MYH7B: variants seen among roughly 807,000 people sequenced by gnomAD.
MYH7B encodes the protein myosin heavy chain 7B.
In MYH7B, 205 loss-of-function variants were observed where a neutral mutation model predicts 234.5. That is an observed-to-expected ratio of 0.87 (90% CI 0.78 to 0.98). The LOEUF (loss-of-function observed/expected upper bound fraction) is 0.98, where lower values mean the gene tolerates loss of function less well. MYH7B is among the 50% of genes least tolerant of loss of function. The pLI is 0.00. For missense variants in MYH7B, 2,652 were observed against 2,633.4 expected (o/e 1.01, Z -0.15); for synonymous variants, 1,193 against 1,105.0 (o/e 1.08, Z -1.58).
Position 34,978,112 on chromosome 20 carries a change from G to A in MYH7B, c.91+16G>A. On this transcript the variant is annotated intron_variant, in intron 5 of 44. Transcript: ENST00000262873. ...CCATGGGACGGTAAGTGGAGACAGA[G>A]GGGGAGGGGTCATAGCCACAGAGAT... is the stretch of plus-strand genomic sequence containing the variant. The A allele has an allele frequency of 1.9e-6, 3 of 1,613,788 alleles. No individual in the cohort carries two copies. The highest frequency in any genetic ancestry group is 2.5e-6 in the Non-Finnish European group (3 of 1,179,954).
At chr20:34,966,784 G>A (rs2081745662) in intron 2 of MYH7B, among the ~76,000 whole-genome samples, 1 of 152,132 alleles carries the variant, frequency 6.6e-6, no homozygotes, top group Non-Finnish European at 1.5e-5. Context: ...AATTTGGCTA[G>A]GCATGGTGAG....
intron 2 of MYH7B, among the ~76,000 whole-genome samples, chr20:34,960,883 A>T (rs757680570): frequency 3.3e-5 from 5 of 152,214 alleles, no homozygotes; most frequent in Non-Finnish European, 5.9e-5. Flanking sequence ...CCCCACAGTC[A>T]TCCTGGGAGG....
chr20:34,961,884 C>T (rs2081701238), intron 2 of MYH7B, among the ~76,000 whole-genome samples: 5 of 152,166 alleles, frequency 3.3e-5, no homozygotes, highest in Admixed American at 3.3e-4. Flanking sequence ...CACTCTGTTC[C>T]TCCACTCATC....
intron 14 of MYH7B, among the ~76,000 whole-genome samples, chr20:34,986,655 A>C (rs8118978): frequency 0.14 from 20,868 of 152,180 alleles, 1,779 homozygotes; most frequent in African/African-American, 0.24. Context: ...CCAGAAAAAG[A>C]AGCCAGGGTC....
At chr20:34,962,666 C>T (rs1303277548) in intron 2 of MYH7B, among the ~76,000 whole-genome samples, 2 of 152,126 alleles carry the variant, frequency 1.3e-5, no homozygotes, top group Non-Finnish European at 2.9e-5. Flanking sequence ...AGGTCTCACT[C>T]TGTCAGGCTG....
exon 13 of MYH7B, chr20:34,985,094 C>G: frequency 6.2e-7 from 1 of 1,614,124 alleles, no homozygotes; most frequent in African/African-American, 1.3e-5. Context: ...CACTTTGGTC[C>G]CTCTGGGAAG....
chr20:34,988,271 C>T lies in MYH7B; in HGVS notation c.1587+9C>T, dbSNP rs368798014. The T allele has an allele frequency of 2.5e-4, 404 of 1,607,586 alleles. No homozygotes were observed. Among genetic ancestry groups the T allele is most frequent in the Non-Finnish European group, 3.2e-4 (375 of 1,175,222 alleles). On this transcript the variant is annotated intron_variant, in intron 19 of 44. Transcript: ENST00000262873. ...TCGACCTCATCGAGAAGGTGGGTGC[C>T]GCGGCAAGGTCACTTTGAGGAAGGG...
chr20:34,974,534 G>T (rs1211665957), intron 2 of MYH7B, among the ~76,000 whole-genome samples: 1 of 152,100 alleles, frequency 6.6e-6, no homozygotes, highest in Non-Finnish European at 1.5e-5. Context: ...CCCATTTTGA[G>T]GCTTGGTTTC....
chr20:34,980,604 C>T lies in MYH7B; in HGVS notation c.369C>T (p.Thr123=), dbSNP rs202099296. 2.4e-3 allele frequency: 3,926 copies of T among 1,614,132 alleles called. 106 individuals carry two copies. In the South Asian group the frequency reaches 0.04, roughly 16 times the overall value. The change falls in exon 8 of 45, where the codon ACC becomes ACT. Residue 123 remains threonine, a synonymous_variant. Transcript: ENST00000262873. ...CCTACTCAGGCCTCTTCTGTGTCAC[C>T]ATCAACCCCTACAAATGGCTCCCAG...
At chr20:34,987,596 G>C (rs1469682310) in exon 17 of MYH7B, 1 of 1,613,958 alleles carries the variant, frequency 6.2e-7, no homozygotes, top group African/African-American at 1.3e-5. Context: ...GTCAGCAGTG[G>C]GGACCTCCTC....
At chr20:34,998,201 C>T in intron 32 of MYH7B, 94 bp from the exon 33 acceptor site, 2 of 1,460,098 alleles carry the variant, frequency 1.4e-6, no homozygotes, top group South Asian at 1.2e-5. Context: ...CCACATCTAG[C>T]TTACCAGTCT....
chr20:35,000,760 C>G lies in MYH7B; in HGVS notation c.5179-8C>G. On this transcript the variant is annotated splice_region_variant and splice_polypyrimidine_tract_variant and intron_variant, in intron 39 of 44. Transcript: ENST00000262873. ...GCTGGCTGGCTCTGAGACTCCTCTT[C>G]CCCTCAGAACACAGGCCTCCTAAAC... The G allele has an allele frequency of 1.2e-6, 2 of 1,611,276 alleles. No individual in the cohort carries two copies. Among genetic ancestry groups the G allele is most frequent in the South Asian group, 2.2e-5 (2 of 90,694 alleles).
chr20:34,978,120 G>T (rs777389657), intron 5 of MYH7B, 24 bp downstream of exon 5: 7 of 1,613,356 alleles, frequency 4.3e-6, no homozygotes, highest in South Asian at 1.1e-5. Context: ...GAGGGGGAGG[G>T]GTCATAGCCA....
At chr20:34,970,498 C>T (rs542016838) in intron 2 of MYH7B, among the ~76,000 whole-genome samples, 1 of 152,148 alleles carries the variant, frequency 6.6e-6, no homozygotes, top group East Asian at 1.9e-4. Context: ...GAGAGATCAT[C>T]AGGTGGCCCT....
At chr20:34,995,399 C>G in exon 28 of MYH7B, 1 of 1,613,962 alleles carries the variant, frequency 6.2e-7, no homozygotes, top group Non-Finnish European at 8.5e-7. Context: ...CAAGGTGCAG[C>G]TGGAGGGGAA....
intron 2 of MYH7B, among the ~76,000 whole-genome samples, chr20:34,973,925 ATT>A (rs34442200): frequency 2.1e-4 from 25 of 121,408 alleles, no homozygotes; most frequent in Admixed American, 2.5e-4. Flanking sequence ...TGCCTGGCTA[ATT>A]TTTTTTTTTT....
chr20:34,977,586 A>G (rs758828375), intron 3 of MYH7B, 46 bp from the exon 4 acceptor site: 1 of 1,553,040 alleles, frequency 6.4e-7, no homozygotes, highest in Non-Finnish European at 8.7e-7. Context: ...GGGGGCTGTG[A>G]CACGTGGAGA....
intron 10 of MYH7B, among the ~76,000 whole-genome samples, chr20:34,983,586 G>A (rs1209879844): frequency 3.9e-5 from 6 of 152,088 alleles, no homozygotes; most frequent in African/African-American, 1.2e-4. Context: ...TGGGACAGTG[G>A]AGCCCAGGGG....
intron 12 of MYH7B, 59 bp from the exon 13 acceptor site, chr20:34,985,007 C>T (rs564456116): frequency 4.3e-5 from 69 of 1,610,698 alleles, no homozygotes; most frequent in Non-Finnish European, 5.7e-5. Context: ...GCAGGTCGGG[C>T]ACAGGTGGGG....
Sources: gnomAD v4.1 joint callset for allele counts (sites outside exome capture counted in the v4.1 genomes callset) on GRCh38, gnomAD v4.1.1 for gene constraint, MANE v1.5 for transcripts, NCBI Gene and HGNC (gene_info 2026-07-23, HGNC 2026-07-21) for gene names.